Variants in AFAP1L2 observed in about 807,000 individuals in gnomAD.
AFAP1L2 encodes actin filament-associated protein 1-like 2.
Under a neutral mutation model 99.3 loss-of-function variants are expected in AFAP1L2, and 46 were observed. The ratio of observed to expected loss-of-function variants is 0.46; its 90% CI spans 0.37 to 0.59. AFAP1L2 has a LOEUF of 0.59. Ranked by LOEUF, AFAP1L2 falls within the 20% of genes least tolerant of loss-of-function variation. AFAP1L2 has a pLI of 0.00. For synonymous variants in AFAP1L2, 397 were observed against 419.1 expected, an observed-to-expected ratio of 0.95 and a Z score of 0.64; for missense variants, 959 against 1,034.9, an observed-to-expected ratio of 0.93 and a Z score of 1.01.
intron 5 of AFAP1L2, among the ~76,000 whole-genome samples, chr10:114,320,514 C>G (rs964041859): frequency 6.6e-6 from 1 of 152,338 alleles, no homozygotes; most frequent in Admixed American, 6.5e-5. Context: ...ACTGCTTCTC[C>G]CCAAGTCATC....
chr10:114,297,510 G>A (rs904386202), intron 16 of AFAP1L2, 97 bp from the exon 17 acceptor site: 127 of 1,293,806 alleles, frequency 9.8e-5, no homozygotes, highest in Middle Eastern at 1.9e-4. Context: ...CCCGCCACCC[G>A]AGAAGGACCA....
rs889954611 is a variant in AFAP1L2 at position 114,370,911 on chromosome 10, G to A, written c.17-30180C>T. On this transcript the variant is annotated intron_variant, in intron 1 of 18. Coordinates refer to ENST00000304129, the MANE Select transcript of AFAP1L2 (RefSeq NM_001001936.3). ...ACTTTTCCATAAATCCCATGTAACC[G>A]TTAAAGCCCAGTTCAAGTCCTGCTT... is the stretch of plus-strand genomic sequence containing the variant. Among the ~76,000 whole-genome samples, 7 of 152,066 alleles carry A rather than the reference G, an allele frequency of 4.6e-5. No homozygotes were observed. The East Asian group carries it at 5.8e-4, about 13-fold the overall frequency.
intron 2 of AFAP1L2, among the ~76,000 whole-genome samples, chr10:114,338,223 A>G (rs1424585749): frequency 3.9e-5 from 6 of 152,210 alleles, no homozygotes; most frequent in Non-Finnish European, 8.8e-5. Flanking sequence ...TTGGACACAA[A>G]GAAGCATTTC....
chr10:114,387,211 T>C (rs749993005), intron 1 of AFAP1L2, among the ~76,000 whole-genome samples: 49 of 152,210 alleles, frequency 3.2e-4, no homozygotes, highest in Non-Finnish European at 1.2e-4. Context: ...ATCTTACACA[T>C]CTGTTCAGTG....
intron 1 of AFAP1L2, among the ~76,000 whole-genome samples, chr10:114,386,495 A>T (rs2056516986): frequency 6.6e-6 from 1 of 152,218 alleles, no homozygotes; most frequent in Middle Eastern, 3.2e-3. Flanking sequence ...TAATATCAAC[A>T]AGGCAGCAGC....
chr10:114,367,150 C>G (rs1468337642), intron 1 of AFAP1L2, among the ~76,000 whole-genome samples: 1 of 152,154 alleles, frequency 6.6e-6, no homozygotes, highest in African/African-American at 2.4e-5. Context: ...ACTGGCTGAG[C>G]TGAAAGGAAA....
the AFAP1L2 span, among the ~76,000 whole-genome samples, chr10:114,288,072 T>C: frequency 2.0e-5 from 3 of 152,276 alleles, no homozygotes; most frequent in African/African-American, 7.2e-5. Context: ...CCTTTGCACT[T>C]GGAATAAAAC....
intron 8 of AFAP1L2, among the ~76,000 whole-genome samples, chr10:114,309,374 C>T (rs925307269): frequency 6.6e-6 from 1 of 152,226 alleles, no homozygotes; most frequent in Admixed American, 6.5e-5. Flanking sequence ...GTGGGATGAC[C>T]TGTGCCTTCT....
At chr10:114,291,412 C>T (rs2039588668), downstream of AFAP1L2, 1 of 687,482 alleles carries the variant, frequency 1.5e-6, no homozygotes, top group African/African-American at 1.8e-5. Flanking sequence ...GAGGATGTCC[C>T]AACTGCAGCC....
intron 1 of AFAP1L2, among the ~76,000 whole-genome samples, chr10:114,388,690 AT>A (rs2056804734): frequency 6.6e-6 from 1 of 152,200 alleles, no homozygotes; most frequent in African/African-American, 2.4e-5. Flanking sequence ...ATACCTGGAT[AT>A]TCTCCCATTT....
At chr10:114,382,311 G>C (rs932276999) in intron 1 of AFAP1L2, among the ~76,000 whole-genome samples, 5 of 111,364 alleles carry the variant, frequency 4.5e-5, no homozygotes, top group African/African-American at 1.6e-4. Context: ...GAAGTACAAA[G>C]AACACAGCAG....
At chr10:114,375,641 C>A (rs2483910) in intron 1 of AFAP1L2, among the ~76,000 whole-genome samples, 151,404 of 152,312 alleles carry the variant, frequency 0.99, 75,256 homozygotes, top group East Asian at 1. Context: ...CTTGAAGGCC[C>A]TTGGCTGAGG....
intron 1 of AFAP1L2, among the ~76,000 whole-genome samples, chr10:114,359,294 T>C (rs556927000): frequency 1.3e-5 from 2 of 152,338 alleles, no homozygotes; most frequent in African/African-American, 4.8e-5. Flanking sequence ...TATAATTGGG[T>C]TTAAAATGAC....
chr10:114,341,712 C>T (rs1032490108), intron 1 of AFAP1L2, among the ~76,000 whole-genome samples: 6 of 152,168 alleles, frequency 3.9e-5, no homozygotes, highest in African/African-American at 1.4e-4. Flanking sequence ...CAGCCTCCCC[C>T]GTGGTCACTG....
At chr10:114,364,127 A>C (rs2052863372) in intron 1 of AFAP1L2, among the ~76,000 whole-genome samples, 2 of 152,152 alleles carry the variant, frequency 1.3e-5, no homozygotes, top group Admixed American at 1.3e-4. Context: ...TCTCCTGTGC[A>C]GGCTGCAGCT....
chr10:114,315,107 C>T (rs1467904460), intron 6 of AFAP1L2, among the ~76,000 whole-genome samples: 1 of 152,198 alleles, frequency 6.6e-6, no homozygotes, highest in Non-Finnish European at 1.5e-5. Context: ...CGCCACTGCA[C>T]TGCAGCCTGG....
chr10:114,289,630 C>T, the AFAP1L2 span: 14 of 897,648 alleles, frequency 1.6e-5, 1 homozygote, highest in South Asian at 2.2e-4. Context: ...TGTGCTAAAC[C>T]CCATGCTCAC....
At chr10:114,285,855 G>T in the AFAP1L2 span, 2 of 1,373,010 alleles carry the variant, frequency 1.5e-6, no homozygotes, top group Non-Finnish European at 1.9e-6. Flanking sequence ...TCTCCCTCCT[G>T]GGAGATGTTC....
At chr10:114,355,256 CTT>C (rs35562783) in intron 1 of AFAP1L2, among the ~76,000 whole-genome samples, 116 of 133,076 alleles carry the variant, frequency 8.7e-4, no homozygotes, top group Middle Eastern at 4.1e-3. Flanking sequence ...CTCGCTCTCT[CTT>C]TTTTTTTTTT....
Sources: allele counts gnomAD v4.1 joint callset (sites outside exome capture counted in the v4.1 genomes callset), GRCh38; gene constraint gnomAD v4.1.1; transcripts MANE v1.5; gene names NCBI Gene and HGNC (gene_info 2026-07-23, HGNC 2026-07-21).